The following CRYL1 variants were observed in gnomAD, a reference collection of about 807,000 sequenced individuals.
The protein encoded by CRYL1 is crystallin lambda 1, also known as lambda-crystallin homolog.
In CRYL1, 29 loss-of-function variants were observed where a neutral mutation model predicts 36.6. That is an observed-to-expected ratio of 0.79 (90% CI 0.59 to 1.08). The LOEUF (loss-of-function observed/expected upper bound fraction) is 1.08, where lower values mean the gene tolerates loss of function less well. CRYL1 is among the 50% of genes least tolerant of loss of function. The pLI, the probability that CRYL1 is intolerant of heterozygous loss-of-function variation, is 0.00. For synonymous variants in CRYL1, 152 were observed against 151.5 expected, an observed-to-expected ratio of 1.00 and a Z score of -0.02; for missense variants, 411 against 407.9, an observed-to-expected ratio of 1.01 and a Z score of -0.06.
chr13:20,511,019 C>T lies in CRYL1; in HGVS notation c.149+1424G>A, dbSNP rs151195784. Among the ~76,000 whole-genome samples the T allele has an allele frequency of 9.7e-4, 148 of 152,202 alleles. 1 individual carries two copies. The highest frequency in any genetic ancestry group is 3.5e-3 in the African/African-American group (145 of 41,538). On this transcript the variant is annotated intron_variant, in intron 2 of 7. Coordinates refer to ENST00000298248, the MANE Select transcript of CRYL1 (RefSeq NM_015974.3). The stretch of plus-strand genomic sequence containing the variant: ...AAGTCCCCTTCCTTCCAAAACAGTA[C>T]AGTCTATGTGAGTGGTTTTTCGGTG...
intron 4 of CRYL1, among the ~76,000 whole-genome samples, chr13:20,433,333 C>G (rs1012531444): frequency 6.6e-6 from 1 of 152,230 alleles, no homozygotes; most frequent in Admixed American, 6.5e-5. Flanking sequence ...CCTGGTAGAA[C>G]CTGACTGGCC....
chr13:20,522,911 CT>C (rs386378385), intron 1 of CRYL1, among the ~76,000 whole-genome samples: 414 of 82,880 alleles, frequency 5.0e-3, no homozygotes, highest in South Asian at 0.031. Context: ...CCCATTTCTA[CT>C]TTTTTTTTTT....
Position 20,485,233 on chromosome 13 carries a change from G to A in CRYL1, c.276+4137C>T, listed in dbSNP as rs1344616829. Among the ~76,000 whole-genome samples, 3 of 152,146 alleles carry A rather than the reference G, an allele frequency of 2.0e-5. No homozygotes were observed. In the East Asian group the frequency reaches 5.8e-4, roughly 29 times the overall value. Reference sequence around the variant, plus strand: ...GGGGTTTCACCATGTTGCCCAAGCTGGTCTTGAACTACTGAGCTCAGGCAG... The same window carrying A: ...GGGGTTTCACCATGTTGCCCAAGCTAGTCTTGAACTACTGAGCTCAGGCAG... On this transcript the variant is annotated intron_variant, in intron 3 of 7. Transcript: ENST00000298248.
intron 3 of CRYL1, among the ~76,000 whole-genome samples, chr13:20,459,235 CAAA>C (rs61255031): frequency 3.3e-4 from 26 of 78,438 alleles, no homozygotes; most frequent in African/African-American, 1.1e-3. Context: ...GACTCCATCT[CAAA>C]AAAAAAAAAA....
intron 5 of CRYL1, among the ~76,000 whole-genome samples, 153 bp from the exon 6 acceptor site, chr13:20,413,540 A>G (rs2031577659): frequency 1.3e-5 from 2 of 152,234 alleles, no homozygotes; most frequent in South Asian, 4.1e-4. Context: ...GCTTATGACC[A>G]GACATGTTTT....
intron 5 of CRYL1, among the ~76,000 whole-genome samples, chr13:20,416,043 G>A (rs888514235): frequency 2.0e-5 from 3 of 152,214 alleles, no homozygotes; most frequent in African/African-American, 7.2e-5. Flanking sequence ...GGGGCCCAGA[G>A]CATCCTTCTC....
intron 3 of CRYL1, among the ~76,000 whole-genome samples, chr13:20,452,874 A>C (rs2032599715): frequency 6.6e-6 from 1 of 152,196 alleles, no homozygotes. Context: ...TGCTCTAAAA[A>C]AGTGTTATAT....
intron 6 of CRYL1, 93 bp downstream of exon 6, chr13:20,413,189 T>C: frequency 1.3e-6 from 1 of 785,578 alleles, no homozygotes; most frequent in Non-Finnish European, 2.1e-6. Flanking sequence ...ACTGTCTCTA[T>C]TCAGTTGTAA....
intron 2 of CRYL1, among the ~76,000 whole-genome samples, chr13:20,497,565 GGCACTACACACACCATATATAT>G (rs2033633233): frequency 7.6e-6 from 1 of 131,328 alleles, no homozygotes; most frequent in Non-Finnish European, 1.6e-5. Context: ...ACCACATATA[GGCACTACACACACCATATATAT>G]GCACCACACA....
At chr13:20,439,522 A>AAAAAAAG in intron 4 of CRYL1, 71 bp downstream of exon 4, 2 of 937,872 alleles carry the variant, frequency 2.1e-6, no homozygotes, top group Admixed American at 3.0e-5. Flanking sequence ...CGCAAAAAAA[A>AAAAAAAG]AAAAAAAAGA....
chr13:20,422,749 G>C (rs2031847841), intron 5 of CRYL1, among the ~76,000 whole-genome samples: 1 of 152,226 alleles, frequency 6.6e-6, no homozygotes, highest in South Asian at 2.1e-4. Context: ...CCAACAGTTT[G>C]TCATGTGCAT....
intron 4 of CRYL1, among the ~76,000 whole-genome samples, chr13:20,432,845 C>A (rs1399987228): frequency 6.6e-6 from 1 of 152,102 alleles, no homozygotes; most frequent in Non-Finnish European, 1.5e-5. Context: ...CAGCGAGACC[C>A]TGTTTCTACA....
At chr13:20,450,090 T>C (rs2032537139) in intron 3 of CRYL1, among the ~76,000 whole-genome samples, 2 of 152,132 alleles carry the variant, frequency 1.3e-5, no homozygotes, top group African/African-American at 4.8e-5. Flanking sequence ...TTGAAAAAAC[T>C]ATTCTAAAAT....
Position 20,404,164 on chromosome 13 carries a change from G to A in CRYL1, c.925C>T (p.Leu309Phe). 1 of 1,613,994 alleles carries A rather than the reference G, an allele frequency of 6.2e-7. No individual in the cohort carries two copies. The highest frequency in any genetic ancestry group is 1.1e-5 in the South Asian group (1 of 91,082). ...TGCACTTGACTCTTCAACTTGGCGA[G>A]TCTCATGAGGCACTCGTCCCTCCAC... is the stretch of plus-strand genomic sequence containing the variant. ...RQWRDECLMR[L>F]AKLKSQVQPQ Residue 309 changes from leucine (L) to phenylalanine (F), a missense_variant, in exon 8 of 8, where the codon CTC becomes TTC. Leu to Phe is a conservative substitution (Grantham distance 22). Transcript: ENST00000298248.
At chr13:20,503,806 G>A (rs1298881802) in intron 2 of CRYL1, among the ~76,000 whole-genome samples, 1 of 152,178 alleles carries the variant, frequency 6.6e-6, no homozygotes, top group Admixed American at 6.5e-5. Context: ...CCAGGGCAGA[G>A]ACCTAGGTAG....
chr13:20,504,302 C>CTTT lies in CRYL1; in HGVS notation c.149+8138_149+8140dup, dbSNP rs757657892. ...TTTCTTTTTTCTTTTCTTTTCTTTT[C>CTTT]TTTTTTTTTTTTTTTTTTTGAGACA... On this transcript the variant is annotated intron_variant, in intron 2 of 7. Transcript: ENST00000298248. 1.0e-3 allele frequency among the ~76,000 whole-genome samples: 130 copies of CTTT among 128,472 alleles called. 2 individuals are homozygous for CTTT. The highest frequency in any genetic ancestry group is 9.6e-3 in the South Asian group (39 of 4,048). 84.3% of individuals were successfully genotyped at this position (128,472 alleles called of 152,430 possible).
intron 2 of CRYL1, among the ~76,000 whole-genome samples, chr13:20,500,908 A>AGGCATCT (rs912333307): frequency 6.6e-6 from 1 of 152,162 alleles, no homozygotes; most frequent in Non-Finnish European, 1.5e-5. Context: ...AAATTACTTC[A>AGGCATCT]GGCATCTCAA....
intron 3 of CRYL1, among the ~76,000 whole-genome samples, chr13:20,458,358 C>G (rs1008759134): frequency 1.3e-5 from 2 of 152,122 alleles, no homozygotes; most frequent in Non-Finnish European, 2.9e-5. Context: ...ACCAAAAGGG[C>G]AGGTCCCACC....
intron 2 of CRYL1, among the ~76,000 whole-genome samples, chr13:20,508,995 GT>G (rs1222830322): frequency 6.6e-6 from 1 of 150,900 alleles, no homozygotes; most frequent in Non-Finnish European, 1.5e-5. Flanking sequence ...GAGGTCAGGA[GT>G]CAGCCTGACT....
Sources: allele counts gnomAD v4.1 joint callset (sites outside exome capture counted in the v4.1 genomes callset), GRCh38; gene constraint gnomAD v4.1.1; transcripts MANE v1.5; gene names NCBI Gene and HGNC (gene_info 2026-07-23, HGNC 2026-07-21).